The following UST variants were observed in gnomAD, a reference collection of about 807,000 sequenced individuals.
UST encodes uronyl 2-sulfotransferase.
Under a neutral mutation model 45.6 loss-of-function variants are expected in UST, and 21 were observed. That is an observed-to-expected ratio of 0.46 (90% confidence interval 0.33 to 0.66). The LOEUF (loss-of-function observed/expected upper bound fraction) is 0.66, where lower values mean the gene tolerates loss of function less well. Ranked by LOEUF, UST falls within the 30% of genes least tolerant of loss-of-function variation. UST has a pLI of 0.02. For synonymous variants in UST, 215 were observed against 200.6 expected, an observed-to-expected ratio of 1.07 and a Z score of -0.61; for missense variants, 463 against 512.4, an observed-to-expected ratio of 0.90 and a Z score of 0.93.
chr6:149,002,040 A>C (rs1781559772), intron 5 of UST, among the ~76,000 whole-genome samples: 1 of 152,208 alleles, frequency 6.6e-6, no homozygotes, highest in Non-Finnish European at 1.5e-5. Context: ...GAATTTTTAA[A>C]ATTCTTTGCC....
At chr6:148,888,774 G>A (rs548284155) in intron 2 of UST, among the ~76,000 whole-genome samples, 1 of 152,302 alleles carries the variant, frequency 6.6e-6, no homozygotes, top group South Asian at 2.1e-4. Flanking sequence ...TTGAATGCCT[G>A]TGATGCTGCA....
At chr6:148,894,826 T>TTTTA in intron 2 of UST, among the ~76,000 whole-genome samples, 1 of 138,392 alleles carries the variant, frequency 7.2e-6, no homozygotes, top group African/African-American at 2.8e-5. Context: ...TTTTTTTTTT[T>TTTTA]TTTTTTTTTT....
rs1229073647 is a variant in UST, at chr6:148,748,938, C to A, written c.247+1261C>A. 3.4e-5 allele frequency among the ~76,000 whole-genome samples: 5 copies of A among 149,206 alleles called. No homozygotes were observed. The highest frequency in any genetic ancestry group is 1.9e-4 in the East Asian group (1 of 5,134). ...AGAAAAGAAAAGGAAAAAAAAAAAA[C>A]CCAAAACAAACAAACAAAACAAAGC... On this transcript the variant is annotated intron_variant, in intron 1 of 7. Coordinates refer to ENST00000367463, the MANE Select transcript of UST (RefSeq NM_005715.3). This position sits in a 1 kb window ranked among gnomAD's most constrained non-coding sequence, Gnocchi z 5.3.
rs1282085364 is a variant in UST at position 148,878,090 on chromosome 6, G to T, written c.248-8896G>T. On this transcript the variant is annotated intron_variant, in intron 1 of 7. Coordinates refer to ENST00000367463, the MANE Select transcript of UST (RefSeq NM_005715.3). ...GCGGGTATCGTGTATGAGTGCGGGG[G>T]ATTGTGTACGAGTGAGGAGATCATG... Among the ~76,000 whole-genome samples, 3 of 124,520 alleles carry T rather than the reference G, an allele frequency of 2.4e-5. No homozygotes were observed. The Admixed American group carries it at 2.4e-4, about 10-fold the overall frequency. 81.7% of individuals were successfully genotyped at this position (124,520 alleles called of 152,430 possible).
chr6:148,862,775 G>A (rs1015633075), intron 1 of UST, among the ~76,000 whole-genome samples: 3 of 152,140 alleles, frequency 2.0e-5, no homozygotes, highest in Non-Finnish European at 2.9e-5. Context: ...TTGGCTGGAT[G>A]TGAAATTCTG....
intron 1 of UST, among the ~76,000 whole-genome samples, chr6:148,799,387 TTG>T (rs1053580207): frequency 8.5e-5 from 13 of 152,130 alleles, no homozygotes; most frequent in Non-Finnish European, 1.9e-4. Flanking sequence ...GTGCTTTCCT[TTG>T]TGTCTGTCAA....
intron 5 of UST, among the ~76,000 whole-genome samples, chr6:148,999,070 G>T (rs1248324057): frequency 1.3e-5 from 2 of 152,204 alleles, no homozygotes; most frequent in Admixed American, 6.5e-5. Context: ...TAGTTTATAG[G>T]TCATATAATG....
intron 3 of UST, among the ~76,000 whole-genome samples, chr6:148,942,743 C>A (rs1237766093): frequency 6.6e-6 from 1 of 152,088 alleles, no homozygotes; most frequent in Non-Finnish European, 1.5e-5. Flanking sequence ...TGTTTTAAGA[C>A]AGTAACATAG....
chr6:148,916,752 C>T lies in UST; in HGVS notation c.292-24527C>T, dbSNP rs1582896446. Among the ~76,000 whole-genome samples the T allele has an allele frequency of 2.6e-5, 4 of 152,312 alleles. No homozygotes were observed. In the South Asian group the frequency reaches 8.3e-4, roughly 32 times the overall value. On this transcript the variant is annotated intron_variant, in intron 2 of 7. Coordinates refer to ENST00000367463, the MANE Select transcript of UST (RefSeq NM_005715.3). ...CCCAGCACCTTGCGTTTGAGCACAC[C>T]ACTTCCCAGGTTGTGCAGGCCTCAG...
intron 5 of UST, among the ~76,000 whole-genome samples, chr6:148,977,494 G>C (rs1330573142): frequency 6.6e-6 from 1 of 152,068 alleles, no homozygotes; most frequent in Non-Finnish European, 1.5e-5. Context: ...GCTCACGCCT[G>C]TAATCCCGGC....
At chr6:149,000,455 A>G (rs1226797131) in intron 5 of UST, among the ~76,000 whole-genome samples, 3 of 152,206 alleles carry the variant, frequency 2.0e-5, no homozygotes, top group African/African-American at 7.2e-5. Flanking sequence ...AAGGAGGAAG[A>G]AAGAGAGACA....
intron 7 of UST, among the ~76,000 whole-genome samples, chr6:149,072,003 C>G (rs1473280603): frequency 6.6e-6 from 1 of 152,148 alleles, no homozygotes; most frequent in Non-Finnish European, 1.5e-5. Context: ...AGATACCACT[C>G]CACACTTACT....
intron 7 of UST, among the ~76,000 whole-genome samples, chr6:149,064,561 A>C (rs1776704689): frequency 6.6e-6 from 1 of 152,220 alleles, no homozygotes; most frequent in Admixed American, 6.5e-5. Context: ...ATCTTTGCAG[A>C]AAGAGGGAAG....
In UST at chr6:148,747,222, G is replaced by A. The variant is rs1253998211; in HGVS notation, c.-209G>A. 2 of 441,146 alleles carry A rather than the reference G, an allele frequency of 4.5e-6. No homozygotes were observed. The highest frequency in any genetic ancestry group is 7.2e-6 in the Non-Finnish European group (2 of 278,022). 27.3% of individuals were successfully genotyped at this position (441,146 alleles called of 1,614,324 possible). On this transcript the variant is annotated 5_prime_UTR_variant, in exon 1 of 8. Transcript: ENST00000367463. ...ACGGGCAGCGCCCCGAACCGGGGCC[G>A]GACACCTCGGCCGCTCGGGCCGCGG...
At position 149,023,231 on chromosome 6, in the gene UST, A is replaced by T. The variant is rs367859247; in HGVS notation, c.937+1750A>T. ...AAACTAAATCCTGGTGACACATAAG[A>T]TGAACACTCTCCATAAAAGATATTA... On this transcript the variant is annotated intron_variant, in intron 7 of 7. Coordinates refer to ENST00000367463, the MANE Select transcript of UST (RefSeq NM_005715.3). Among the ~76,000 whole-genome samples the T allele has an allele frequency of 6.4e-4, 97 of 152,032 alleles. 6 individuals are homozygous for T. The South Asian group carries it at 0.019, about 29-fold the overall frequency.
intron 2 of UST, among the ~76,000 whole-genome samples, chr6:148,930,539 C>G (rs1278346802): frequency 3.3e-5 from 5 of 152,190 alleles, no homozygotes; most frequent in Non-Finnish European, 5.9e-5. Context: ...TCTGTGCCAC[C>G]TTTTATCTTC....
chr6:148,804,539 C>T (rs926211858), intron 1 of UST, among the ~76,000 whole-genome samples: 18 of 152,256 alleles, frequency 1.2e-4, no homozygotes, highest in African/African-American at 4.3e-4. Flanking sequence ...CAGCCTGCAC[C>T]ATGTACGTGC....
chr6:148,810,944 A>G (rs1582826522), intron 1 of UST, among the ~76,000 whole-genome samples: 4 of 152,244 alleles, frequency 2.6e-5, no homozygotes, highest in Non-Finnish European at 4.4e-5. Flanking sequence ...AGAAATTGAC[A>G]TATGTAAGGT....
chr6:149,000,510 A>G (rs1373807049), intron 5 of UST, among the ~76,000 whole-genome samples: 1 of 152,170 alleles, frequency 6.6e-6, no homozygotes, highest in Non-Finnish European at 1.5e-5. Flanking sequence ...ACGGAGACAG[A>G]TTATGAATCT....
Sources: gnomAD v4.1 joint callset for allele counts (sites outside exome capture counted in the v4.1 genomes callset) on GRCh38, gnomAD v4.1.1 for gene constraint, Gnocchi (gnomAD v3.1) non-coding constraint, MANE v1.5 for transcripts, NCBI Gene and HGNC (gene_info 2026-07-23, HGNC 2026-07-21) for gene names.